Variants in ST6GAL1 observed in about 807,000 individuals in gnomAD.
ST6GAL1 encodes beta-galactoside alpha-2,6-sialyltransferase 1.
ST6GAL1 carries 20 observed loss-of-function variants against 38.0 expected under a neutral mutation model. The observed-to-expected ratio is 0.53, with a 90% CI of 0.37 to 0.77. ST6GAL1 has a LOEUF of 0.77. Ranked by LOEUF, ST6GAL1 falls within the 30% of genes least tolerant of loss-of-function variation. The pLI, the probability that ST6GAL1 is intolerant of heterozygous loss-of-function variation, is 0.00. For missense variants in ST6GAL1, 432 were observed against 496.4 expected (o/e 0.87, Z 1.23); for synonymous variants, 196 against 188.2 (o/e 1.04, Z -0.34).
At chr3:186,997,341 T>TA (rs1408284354) in intron 2 of ST6GAL1, among the ~76,000 whole-genome samples, 3 of 152,120 alleles carry the variant, frequency 2.0e-5, no homozygotes, top group Non-Finnish European at 4.4e-5. Context: ...GTCATCTAGT[T>TA]AGTAATGGTG....
intron 6 of ST6GAL1, chr3:187,073,363 T>C (rs919224697): frequency 1.2e-5 from 2 of 166,466 alleles, no homozygotes; most frequent in African/African-American, 4.8e-5. Context: ...CTCATAACAA[T>C]TTAAGGAGAT....
At chr3:187,008,273 G>A (rs901878121) in intron 2 of ST6GAL1, among the ~76,000 whole-genome samples, 2 of 150,196 alleles carry the variant, frequency 1.3e-5, no homozygotes, top group Non-Finnish European at 3.0e-5. Context: ...AACATTAAGA[G>A]CATTAAAATA....
chr3:186,944,370 G>A (rs372467224), intron 1 of ST6GAL1, among the ~76,000 whole-genome samples: 6 of 152,124 alleles, frequency 3.9e-5, no homozygotes, highest in Admixed American at 3.9e-4. Context: ...CATAACATAT[G>A]AGCAAAATTA....
At chr3:186,948,330 A>G (rs1560138309) in intron 1 of ST6GAL1, among the ~76,000 whole-genome samples, 2 of 152,222 alleles carry the variant, frequency 1.3e-5, no homozygotes, top group African/African-American at 2.4e-5. Context: ...ATTCTCCAGA[A>G]GTACCGATGA....
intron 2 of ST6GAL1, among the ~76,000 whole-genome samples, chr3:187,025,918 C>A (rs1335262767): frequency 2.0e-5 from 3 of 152,194 alleles, no homozygotes; most frequent in African/African-American, 7.2e-5. Flanking sequence ...ATTATCAGTG[C>A]TGCCTGGCTG....
Position 186,945,009 on chromosome 3 carries a change from C to T in ST6GAL1, c.-325+14175C>T, listed in dbSNP as rs1714306784. 2.6e-5 allele frequency among the ~76,000 whole-genome samples: 4 copies of T among 152,306 alleles called. No individual in the cohort carries two copies. The South Asian group carries it at 8.3e-4, about 32-fold the overall frequency. On this transcript the variant is annotated intron_variant, in intron 1 of 7. Transcript: ENST00000169298. Reference sequence around the variant, plus strand: ...CTGCTTTAAGGGAAGTCATGTTGGTCTCAGACATGACTGAACAGGTTTACA... The same window carrying T: ...CTGCTTTAAGGGAAGTCATGTTGGTTTCAGACATGACTGAACAGGTTTACA...
chr3:187,000,347 C>T (rs1380744797), intron 2 of ST6GAL1, among the ~76,000 whole-genome samples: 8 of 149,236 alleles, frequency 5.4e-5, no homozygotes, highest in Middle Eastern at 3.2e-3. Context: ...GTTAGGAGTT[C>T]GAGACCAGCC....
intron 2 of ST6GAL1, among the ~76,000 whole-genome samples, chr3:187,000,586 A>T (rs1025374343): frequency 1.4e-4 from 14 of 101,760 alleles, no homozygotes; most frequent in Admixed American, 3.9e-4. Context: ...TTTTGTTTCT[A>T]TAAACATTGT....
At chr3:186,980,260 G>T (rs75188402) in intron 2 of ST6GAL1, among the ~76,000 whole-genome samples, 9,487 of 152,208 alleles carry the variant, frequency 0.062, 390 homozygotes, top group East Asian at 0.18. Flanking sequence ...GGGAGCAGTG[G>T]ATGCAGCGGG....
At chr3:187,044,247 A>G (rs1054524236) in intron 4 of ST6GAL1, among the ~76,000 whole-genome samples, 3 of 152,238 alleles carry the variant, frequency 2.0e-5, no homozygotes, top group Non-Finnish European at 2.9e-5. Context: ...TGTGTTTTCC[A>G]TTATTTGAAA....
chr3:187,023,723 C>T (rs4012172), intron 2 of ST6GAL1, among the ~76,000 whole-genome samples: 49,854 of 151,450 alleles, frequency 0.33, 8,679 homozygotes, highest in East Asian at 0.48. Context: ...CATCACACAC[C>T]GGGACTGTTG....
rs9860975 is a variant in ST6GAL1 at position 186,943,691 on chromosome 3, G to A, written c.-325+12857G>A. 9.7e-4 allele frequency among the ~76,000 whole-genome samples: 147 copies of A among 151,980 alleles called. 1 individual carries two copies. The highest frequency in any genetic ancestry group is 1.9e-3 in the Non-Finnish European group (130 of 67,998). ...TCTCAAACTCCTGACCTCGTGATCC[G>A]CCCGCCTCAGCCTCCCAAAGTGCTG... On this transcript the variant is annotated intron_variant, in intron 1 of 7. Coordinates refer to ENST00000169298, the MANE Select transcript of ST6GAL1 (RefSeq NM_173216.2).
intron 5 of ST6GAL1, among the ~76,000 whole-genome samples, chr3:187,064,805 G>A (rs933678507): frequency 1.1e-4 from 17 of 152,080 alleles, no homozygotes; most frequent in African/African-American, 3.9e-4. Flanking sequence ...TCTATCTTTT[G>A]TCCTGGTCAG....
At chr3:187,047,274 G>A (rs979541382) in intron 4 of ST6GAL1, among the ~76,000 whole-genome samples, 21 of 150,476 alleles carry the variant, frequency 1.4e-4, no homozygotes, top group South Asian at 2.1e-4. Context: ...TTTTAACTCT[G>A]ATCTATAGTA....
rs558395801 is a variant in ST6GAL1 at position 187,043,952 on chromosome 3, T to C, written c.607+642T>C. On this transcript the variant is annotated intron_variant, in intron 4 of 7. Coordinates refer to ENST00000169298, the MANE Select transcript of ST6GAL1 (RefSeq NM_173216.2). ...TCTTAACTGGGGGCTATGGACCAAC[T>C]TCAGAGGGTCATGAATCCCTGCAAT... 4 of 152,440 alleles carry C rather than the reference T, an allele frequency of 2.6e-5. No homozygotes were observed. The East Asian group carries it at 7.7e-4, about 29-fold the overall frequency. 9.4% of individuals were successfully genotyped at this position (152,440 alleles called of 1,614,324 possible). A position where few individuals can be genotyped will look rare whatever the true frequency, so the allele number is the denominator to read the frequency against.
chr3:187,067,723 G>A (rs1176752472), intron 5 of ST6GAL1, among the ~76,000 whole-genome samples: 1 of 152,114 alleles, frequency 6.6e-6, no homozygotes, highest in Non-Finnish European at 1.5e-5. Context: ...ATGTCTGATG[G>A]TTTTATGGGT....
intron 2 of ST6GAL1, among the ~76,000 whole-genome samples, chr3:187,007,004 C>T (rs1435563737): frequency 6.6e-6 from 1 of 152,014 alleles, no homozygotes; most frequent in Non-Finnish European, 1.5e-5. Flanking sequence ...CTAGTACAGC[C>T]AAGATGAAAT....
chr3:187,071,247 C>A (rs951560856), intron 5 of ST6GAL1, among the ~76,000 whole-genome samples: 2 of 152,178 alleles, frequency 1.3e-5, no homozygotes, highest in Non-Finnish European at 2.9e-5. Flanking sequence ...ACCTGGGCAA[C>A]ATCATCTCCC....
intron 2 of ST6GAL1, among the ~76,000 whole-genome samples, chr3:187,030,385 T>C (rs1157814250): frequency 6.6e-6 from 1 of 152,212 alleles, no homozygotes; most frequent in Non-Finnish European, 1.5e-5. Context: ...CATCTGAGTC[T>C]ATGTGGCTCC....
Sources: gnomAD v4.1 joint callset for allele counts (sites outside exome capture counted in the v4.1 genomes callset) on GRCh38, gnomAD v4.1.1 for gene constraint, MANE v1.5 for transcripts, NCBI Gene and HGNC (gene_info 2026-07-23, HGNC 2026-07-21) for gene names.